The following SNTG1 variants were observed in gnomAD, a reference collection of about 807,000 sequenced individuals.
SNTG1 encodes syntrophin gamma 1.
Under a neutral mutation model 74.7 loss-of-function variants are expected in SNTG1, and 39 were observed. That is an observed-to-expected ratio of 0.52 (90% CI 0.40 to 0.68). The LOEUF is 0.68. Among genes scored for constraint, SNTG1 ranks in the 30% least tolerant of loss-of-function variants. The pLI is 0.00. For missense variants in SNTG1, 685 were observed against 609.5 expected, an observed-to-expected ratio of 1.12 and a Z score of -1.30; for synonymous variants, 254 against 217.1, an observed-to-expected ratio of 1.17 and a Z score of -1.49.
At chr8:50,366,759 A>G (rs999748196) in intron 2 of SNTG1, among the ~76,000 whole-genome samples, 16 of 146,604 alleles carry the variant, frequency 1.1e-4, no homozygotes, top group African/African-American at 3.9e-4. Context: ...TATATATAAT[A>G]TAGTATTATT....
chr8:50,553,324 G>A, intron 12 of SNTG1, 145 bp downstream of exon 12: 1 of 1,105,558 alleles, frequency 9.0e-7, no homozygotes, highest in Non-Finnish European at 1.3e-6. Flanking sequence ...CTTATTGTAA[G>A]AAAACTGAGA....
In SNTG1 at chr8:50,372,272, C is replaced by T. The variant is rs370410989; in HGVS notation, c.-27-21940C>T. Among the ~76,000 whole-genome samples the T allele has an allele frequency of 5.3e-5, 8 of 151,340 alleles. No individual in the cohort carries two copies. In the Admixed American group the frequency reaches 5.3e-4, roughly 10 times the overall value. Reference sequence around the variant, plus strand: ...GATTCCTTTGCCATTTTATTTTATGCATCTTCTATAGTTATTTTTTTTCGG... The same window carrying T: ...GATTCCTTTGCCATTTTATTTTATGTATCTTCTATAGTTATTTTTTTTCGG... On this transcript the variant is annotated intron_variant, in intron 2 of 18. Transcript: ENST00000642720.
chr8:50,614,737 A>T (rs1269327706), intron 13 of SNTG1, among the ~76,000 whole-genome samples: 1 of 152,176 alleles, frequency 6.6e-6, no homozygotes, highest in Non-Finnish European at 1.5e-5. Flanking sequence ...TTGAAAATGA[A>T]ATTTCAAAAA....
At chr8:50,425,818 A>G (rs1408487736) in intron 4 of SNTG1, among the ~76,000 whole-genome samples, 1 of 152,202 alleles carries the variant, frequency 6.6e-6, no homozygotes, top group Non-Finnish European at 1.5e-5. Context: ...GTTTGAATCA[A>G]GGAAAACACT....
chr8:50,036,742 C>G (rs1176915178), intron 1 of SNTG1, among the ~76,000 whole-genome samples: 1 of 152,132 alleles, frequency 6.6e-6, no homozygotes, highest in African/African-American at 2.4e-5. Flanking sequence ...GGCTAAAAAC[C>G]AAACTCCTCT....
chr8:50,507,190 A>G (rs2094014191), intron 9 of SNTG1, among the ~76,000 whole-genome samples: 1 of 151,952 alleles, frequency 6.6e-6, no homozygotes, highest in African/African-American at 2.4e-5. Flanking sequence ...ACACTTGATC[A>G]TGGTGTATAA....
chr8:50,268,438 C>T (rs1170930796), intron 2 of SNTG1, among the ~76,000 whole-genome samples: 1 of 151,830 alleles, frequency 6.6e-6, no homozygotes, highest in Non-Finnish European at 1.5e-5. Flanking sequence ...ATAAAATAAA[C>T]ATATATGGAA....
chr8:49,917,342 ATTC>A (rs2129339160), intron 1 of SNTG1, among the ~76,000 whole-genome samples: 1 of 152,294 alleles, frequency 6.6e-6, no homozygotes, highest in African/African-American at 2.4e-5. Context: ...CTGTCATGCC[ATTC>A]TTCTTGAAAA....
intron 1 of SNTG1, among the ~76,000 whole-genome samples, chr8:50,069,689 C>CT (rs1821199198): frequency 7.3e-6 from 1 of 136,076 alleles, no homozygotes; most frequent in South Asian, 2.4e-4. Context: ...AAAACCCCCA[C>CT]TGTGTTCTCC....
chr8:50,090,973 G>C (rs1278559666), intron 1 of SNTG1, among the ~76,000 whole-genome samples: 1 of 152,098 alleles, frequency 6.6e-6, no homozygotes, highest in Non-Finnish European at 1.5e-5. Flanking sequence ...TTTTAAAAAT[G>C]CTGGAAGATG....
chr8:50,003,758 G>A (rs192736723), intron 1 of SNTG1, among the ~76,000 whole-genome samples: 3 of 152,172 alleles, frequency 2.0e-5, no homozygotes, highest in East Asian at 1.9e-4. Context: ...CCTCTAGGGG[G>A]AATAAAAATG....
At chr8:50,582,325 C>T (rs750378819) in intron 12 of SNTG1, among the ~76,000 whole-genome samples, 154 of 152,188 alleles carry the variant, frequency 1.0e-3, no homozygotes, top group African/African-American at 3.5e-3. Flanking sequence ...AGGTGCAAGT[C>T]GGTGCAGTAT....
At chr8:50,671,245 A>G (rs1393545637) in intron 15 of SNTG1, among the ~76,000 whole-genome samples, 1 of 151,886 alleles carries the variant, frequency 6.6e-6, no homozygotes, top group Non-Finnish European at 1.5e-5. Flanking sequence ...CTACCATCTG[A>G]GTGAACAGGC....
chr8:50,705,705 A>T (rs887023125), intron 16 of SNTG1, among the ~76,000 whole-genome samples: 2 of 152,224 alleles, frequency 1.3e-5, no homozygotes, highest in African/African-American at 4.8e-5. Flanking sequence ...TTTGCACATC[A>T]TGAGTATTCA....
chr8:50,476,372 T>C (rs912478247), intron 8 of SNTG1, among the ~76,000 whole-genome samples: 2 of 152,188 alleles, frequency 1.3e-5, no homozygotes, highest in East Asian at 3.9e-4. Flanking sequence ...GCCCTTTGAA[T>C]AACGGAGGAC....
intron 2 of SNTG1, among the ~76,000 whole-genome samples, chr8:50,322,784 A>G (rs2090582039): frequency 6.6e-6 from 1 of 151,838 alleles, no homozygotes; most frequent in Non-Finnish European, 1.5e-5. Flanking sequence ...CTTCAAGCTC[A>G]CTAATTCTTT....
intron 1 of SNTG1, among the ~76,000 whole-genome samples, chr8:49,913,013 T>C (rs1483943239): frequency 6.6e-6 from 1 of 152,236 alleles, no homozygotes; most frequent in Non-Finnish European, 1.5e-5. Context: ...AAATCTGTTT[T>C]CTGTTGATTC....
At chr8:49,917,027 A>G (rs1238529677) in intron 1 of SNTG1, among the ~76,000 whole-genome samples, 1 of 85,446 alleles carries the variant, frequency 1.2e-5, no homozygotes, top group South Asian at 4.4e-4. Flanking sequence ...AAAAAAATAT[A>G]TATATTAAAA....
chr8:50,137,416 A>G lies in SNTG1; in HGVS notation c.-102-35145A>G, dbSNP rs139332367. ...TCAACTTTCCATCTTTCATTTAGCA[A>G]TGGTTTATATGGTGCTTGCTGTGTT... is the stretch of plus-strand genomic sequence containing the variant. On this transcript the variant is annotated intron_variant, in intron 1 of 18. Coordinates refer to ENST00000642720, the MANE Select transcript of SNTG1 (RefSeq NM_018967.5). 1.4e-3 allele frequency among the ~76,000 whole-genome samples: 210 copies of G among 152,232 alleles called. 1 individual carries two copies. The highest frequency in any genetic ancestry group is 0.01 in the Middle Eastern group (3 of 294).
Sources: allele counts gnomAD v4.1 joint callset (sites outside exome capture counted in the v4.1 genomes callset), GRCh38; gene constraint gnomAD v4.1.1; transcripts MANE v1.5; gene names NCBI Gene and HGNC (gene_info 2026-07-23, HGNC 2026-07-21).